Variants in EME2 observed in about 807,000 individuals in gnomAD.
The protein encoded by EME2 is essential meiotic structure-specific endonuclease subunit 2.
Under a neutral mutation model 41.9 loss-of-function variants are expected in EME2, and 58 were observed. The ratio of observed to expected loss-of-function variants is 1.38; its 90% confidence interval spans 1.12 to 1.72. The LOEUF (loss-of-function observed/expected upper bound fraction) is 1.72, where lower values mean the gene tolerates loss of function less well. Ranked by LOEUF, EME2 falls within the 40% of genes most tolerant of loss-of-function variation. The probability of loss-of-function intolerance (pLI) is 0.00; values close to 1 mark genes in which losing one functional copy is unlikely to be tolerated. For missense variants in EME2, 695 were observed against 541.9 expected (o/e 1.28, Z -2.81); for synonymous variants, 334 against 239.3 (o/e 1.40, Z -3.65).
At position 1,773,011 on chromosome 16, in the gene EME2, C is replaced by T. The variant is rs892494470; in HGVS notation, c.-217C>T. On this transcript the variant is annotated 5_prime_UTR_variant, in exon 1 of 8. Coordinates refer to ENST00000568449, the MANE Select transcript of EME2 (RefSeq NM_001257370.2). ...AACGGCCGCGTCAAGGTCTCGTAGT[C>T]CACCGCGTAGAGCTGGGAGTCGCGC... is the stretch of plus-strand genomic sequence containing the variant. 6.9e-7 allele frequency: 1 copy of T among 1,458,074 alleles called. No individual in the cohort carries two copies. The allele number at this position is 1,458,074 out of a possible 1,614,324, so 90.3% of individuals were successfully genotyped here. A position where few individuals can be genotyped will look rare whatever the true frequency, so the allele number is the denominator to read the frequency against.
In EME2 at chr16:1,778,019, G is replaced by A; in HGVS notation, c.*1781G>A. 1 of 1,613,234 alleles carries A rather than the reference G, an allele frequency of 6.2e-7. No individual in the cohort carries two copies. Among genetic ancestry groups the A allele is most frequent in the Non-Finnish European group, 8.5e-7 (1 of 1,179,992 alleles). Reference sequence around the variant, plus strand: ...AGAACGTGTGGCGGTATTTGTCCAGGTCCACATCCGACGTCCCGATGCCCA... The same window carrying A: ...AGAACGTGTGGCGGTATTTGTCCAGATCCACATCCGACGTCCCGATGCCCA... On this transcript the variant is annotated 3_prime_UTR_variant, in exon 8 of 8. Transcript: ENST00000568449.
In EME2 at chr16:1,776,070, G is replaced by A. The variant is rs139809312; in HGVS notation, c.972G>A (p.Ala324=). The A allele has an allele frequency of 1.1e-4, 176 of 1,608,200 alleles. No individual in the cohort carries two copies. In the African/African-American group the frequency reaches 1.3e-3, roughly 12 times the overall value. ...AFPSPRLLQQ[A]LEACSTERER... ...CTCATGCCTTTGCCTGCTCCTAGGC[G>A]CTGGAGGCCTGCAGCACGGAGCGGG... is the stretch of plus-strand genomic sequence containing the variant. Residue 324 remains alanine (A), a splice_region_variant and synonymous_variant, in exon 8 of 8, where the codon GCG becomes GCA. Coordinates refer to ENST00000568449, the MANE Select transcript of EME2 (RefSeq NM_001257370.2).
At chr16:1,775,266 G>A (rs758333388) in intron 4 of EME2, 49 bp from the exon 5 acceptor site, 1 of 1,603,410 alleles carries the variant, frequency 6.2e-7, no homozygotes, top group Non-Finnish European at 8.5e-7. Context: ...CCAAGCTCGG[G>A]CAGGGCAGGC....
At position 1,781,291 on chromosome 16, in the gene EME2, T is replaced by C. The variant is rs756269063; in HGVS notation, c.*5053T>C. On this transcript the variant is annotated 3_prime_UTR_variant, in exon 8 of 8. Coordinates refer to ENST00000568449, the MANE Select transcript of EME2 (RefSeq NM_001257370.2). ...ACTGATTCCGTGTTCAGGTAATGTC[T>C]GCCTGCCTGCCTAGGGCATCTCCAC... 1.2e-6 allele frequency: 2 copies of C among 1,612,152 alleles called. No homozygotes were observed. Among genetic ancestry groups the C allele is most frequent in the East Asian group, 2.2e-5 (1 of 44,890 alleles).
rs1043135331 is a variant in EME2, at chr16:1,776,373, G to A, written c.*135G>A. Reference sequence around the variant, plus strand: ...TCTGGCTGAGCAGGTCTGACCTCAGGGGAAGGGTGGGTGGTTGCAGGGGAA... The same window carrying A: ...TCTGGCTGAGCAGGTCTGACCTCAGAGGAAGGGTGGGTGGTTGCAGGGGAA... On this transcript the variant is annotated 3_prime_UTR_variant, in exon 8 of 8. Coordinates refer to ENST00000568449, the MANE Select transcript of EME2 (RefSeq NM_001257370.2). 2.6e-6 allele frequency: 2 copies of A among 777,604 alleles called. No homozygotes were observed. The highest frequency in any genetic ancestry group is 4.2e-6 in the Non-Finnish European group (2 of 480,204). The allele number at this position is 777,604 out of a possible 1,614,324, so 48.2% of individuals were successfully genotyped here.
rs556237883 is a variant in EME2, at chr16:1,773,223, C to T, written c.-5C>T. ...GCCGGAAGCGAGGAAGAGGTCGGTC[C>T]GGCCATGGCGCGGGTTGGACCCGGG... On this transcript the variant is annotated 5_prime_UTR_variant, in exon 1 of 8. Transcript: ENST00000568449. 2.1e-6 allele frequency: 3 copies of T among 1,443,264 alleles called. No individual in the cohort carries two copies. Among genetic ancestry groups the T allele is most frequent in the Non-Finnish European group, 2.7e-6 (3 of 1,107,610 alleles). 89.4% of individuals were successfully genotyped at this position (1,443,264 alleles called of 1,614,324 possible). A position where few individuals can be genotyped will look rare whatever the true frequency, so the allele number is the denominator to read the frequency against.
chr16:1,778,818 G>T lies in EME2; in HGVS notation c.*2580G>T. On this transcript the variant is annotated 3_prime_UTR_variant, in exon 8 of 8. Coordinates refer to ENST00000568449, the MANE Select transcript of EME2 (RefSeq NM_001257370.2). ...CTGCCCCATTCTGCATGACCAGGAG[G>T]GCCCTGGAGGCCCAGCCACAGAGCA... 2.0e-6 allele frequency: 1 copy of T among 500,788 alleles called. No individual in the cohort carries two copies. Among genetic ancestry groups the T allele is most frequent in the Non-Finnish European group, 3.4e-6 (1 of 292,574 alleles). 31.0% of individuals were successfully genotyped at this position (500,788 alleles called of 1,614,324 possible).
rs1046415277 is a variant in EME2 at position 1,780,775 on chromosome 16, C to G, written c.*4537C>G. ...TGAGTCAGGGTCTAGCTCTGTCACC[C>G]AGGCTGGAACGCACTGGTGTGATCA... On this transcript the variant is annotated 3_prime_UTR_variant, in exon 8 of 8. Coordinates refer to ENST00000568449, the MANE Select transcript of EME2 (RefSeq NM_001257370.2). 4 of 177,836 alleles carry G rather than the reference C, an allele frequency of 2.2e-5. No homozygotes were observed. The highest frequency in any genetic ancestry group is 9.6e-5 in the African/African-American group (4 of 41,840). The allele number at this position is 177,836 out of a possible 1,614,324, so 11.0% of individuals were successfully genotyped here.
rs539353563 is a variant in EME2, at chr16:1,774,938, CTT to C, written c.478-99_478-98del. ...GAGGCTCCTCTCGGCACCACTGGCT[CTT>C]TTTCAGGCTTGCTGTTCTGCAAACC... On this transcript the variant is annotated intron_variant, in intron 3 of 7. Transcript: ENST00000568449. 2.6e-3 allele frequency: 2,384 copies of C among 921,602 alleles called. 6 individuals are homozygous for C. Among genetic ancestry groups the C allele is most frequent in the Non-Finnish European group, 3.5e-3 (2,104 of 594,296 alleles). The allele number at this position is 921,602 out of a possible 1,614,324, so 57.1% of individuals were successfully genotyped here.
At chr16:1,774,378 T>A in intron 3 of EME2, 26 bp downstream of exon 3, 1 of 1,592,534 alleles carries the variant, frequency 6.3e-7, no homozygotes, top group Non-Finnish European at 8.6e-7. Flanking sequence ...CAGTAGTCCC[T>A]CTCTAATCAG....
rs1206193699 is a variant in EME2, at chr16:1,776,799, G to A, written c.*561G>A. 5 of 490,070 alleles carry A rather than the reference G, an allele frequency of 1.0e-5. No individual in the cohort carries two copies. Among genetic ancestry groups the A allele is most frequent in the African/African-American group, 1.9e-5 (1 of 51,450 alleles). The allele number at this position is 490,070 out of a possible 1,614,324, so 30.4% of individuals were successfully genotyped here. Reference sequence around the variant, plus strand: ...CGCTGACAGCATGCAGAGCAAGTTAGGAAAAACCGAGGCCCTGTGGGAACA... The same window carrying A: ...CGCTGACAGCATGCAGAGCAAGTTAAGAAAAACCGAGGCCCTGTGGGAACA... On this transcript the variant is annotated 3_prime_UTR_variant, in exon 8 of 8. Transcript: ENST00000568449.
rs2042726707 is a variant in EME2, at chr16:1,777,190, C to T, written c.*952C>T. The T allele has an allele frequency of 6.2e-7, 1 of 1,610,466 alleles. No individual in the cohort carries two copies. Among genetic ancestry groups the T allele is most frequent in the Non-Finnish European group, 8.5e-7 (1 of 1,179,804 alleles). On this transcript the variant is annotated 3_prime_UTR_variant, in exon 8 of 8. Transcript: ENST00000568449. ...CTGCCTGGGGATCGGACACTGGAGC[C>T]TTGCGGCGGCTGCAACTCATGCTCA...
At position 1,776,455 on chromosome 16, in the gene EME2, G is replaced by C. The variant is rs982559009; in HGVS notation, c.*217G>C. ...GGCTGGCAGATGGCTGGCGGTTCCT[G>C]TGCTGAGTCCTGAACACGTAGGCCC... On this transcript the variant is annotated 3_prime_UTR_variant, in exon 8 of 8. Coordinates refer to ENST00000568449, the MANE Select transcript of EME2 (RefSeq NM_001257370.2). 1.8e-6 allele frequency: 1 copy of C among 560,382 alleles called. No homozygotes were observed. Among genetic ancestry groups the C allele is most frequent in the Non-Finnish European group, 3.1e-6 (1 of 317,684 alleles). 34.7% of individuals were successfully genotyped at this position (560,382 alleles called of 1,614,324 possible).
rs372923228 is a variant in EME2 at position 1,781,333 on chromosome 16, G to C, written c.*5095G>C. The C allele has an allele frequency of 6.2e-7, 1 of 1,612,832 alleles. No homozygotes were observed. The highest frequency in any genetic ancestry group is 8.5e-7 in the Non-Finnish European group (1 of 1,179,978). On this transcript the variant is annotated 3_prime_UTR_variant, in exon 8 of 8. Transcript: ENST00000568449. ...CATCTCCACACCTTAGGCCAGCCAC[G>C]TCCGCCTCGCCCGCTGGAACCTACC...
chr16:1,773,449 G>C lies in EME2; in HGVS notation c.222G>C (p.Lys74Asn). Residue 74 changes from lysine (K) to asparagine (N), a missense_variant, in exon 1 of 8, where the codon AAG (lysine) becomes AAC (asparagine). Coordinates refer to ENST00000568449, the MANE Select transcript of EME2 (RefSeq NM_001257370.2). Reference protein sequence around the residue: ...LRLLRPEQVLKRLAVCVDTAI... With the variant: ...LRLLRPEQVLNRLAVCVDTAI... ...TGCTGCGGCCGGAGCAGGTCCTGAA[G>C]CGCCTCGCGGTGTGCGTGGACACAG... 6.4e-7 allele frequency: 1 copy of C among 1,574,614 alleles called. No homozygotes were observed. Among genetic ancestry groups the C allele is most frequent in the Non-Finnish European group, 8.5e-7 (1 of 1,169,702 alleles).
chr16:1,777,521 T>A lies in EME2; in HGVS notation c.*1283T>A, dbSNP rs13332165. On this transcript the variant is annotated 3_prime_UTR_variant, in exon 8 of 8. Transcript: ENST00000568449. ...GGGCGCAGCCCCTCAGACCTCACGC[T>A]ACAGTCACCCGGGTGGGCAGCTGGC... is the stretch of plus-strand genomic sequence containing the variant. 5.0e-6 allele frequency: 7 copies of A among 1,405,670 alleles called. No individual in the cohort carries two copies. The highest frequency in any genetic ancestry group is 5.0e-5 in the East Asian group (2 of 39,948). The allele number at this position is 1,405,670 out of a possible 1,614,324, so 87.1% of individuals were successfully genotyped here.
Position 1,777,243 on chromosome 16 carries a change from C to T in EME2, c.*1005C>T. On this transcript the variant is annotated 3_prime_UTR_variant, in exon 8 of 8. Transcript: ENST00000568449. ...ACCCAGCCCAGCTTGTTGTGTAGCA[C>T]CTGCTTGAGGCCCGGCGGCAGCGGC... 6.2e-7 allele frequency: 1 copy of T among 1,610,848 alleles called. No individual in the cohort carries two copies. The highest frequency in any genetic ancestry group is 8.5e-7 in the Non-Finnish European group (1 of 1,179,850).
At chr16:1,774,746 G>A (rs528469548) in intron 3 of EME2, among the ~76,000 whole-genome samples, 4 of 152,364 alleles carry the variant, frequency 2.6e-5, no homozygotes, top group East Asian at 1.9e-4. Flanking sequence ...TGTCTCTCAA[G>A]CTGCTGCTTT....
Position 1,780,169 on chromosome 16 carries a change from CGT to C in EME2, c.*3936_*3937del, listed in dbSNP as rs1468163430. On this transcript the variant is annotated 3_prime_UTR_variant, in exon 8 of 8. Transcript: ENST00000568449. ...ATGGTGACAGAGGACAAGCAGCATGCGTGTGTCAGACACTGGCCTGGCCTGTG... is the reference window on the plus strand; with the variant it reads ...ATGGTGACAGAGGACAAGCAGCATGCGTGTCAGACACTGGCCTGGCCTGTG... 1.3e-5 allele frequency: 2 copies of C among 152,314 alleles called. No individual in the cohort carries two copies. The highest frequency in any genetic ancestry group is 6.5e-5 in the Admixed American group (1 of 15,286). 9.4% of individuals were successfully genotyped at this position (152,314 alleles called of 1,614,324 possible).
Sources: gnomAD v4.1 joint callset for allele counts (sites outside exome capture counted in the v4.1 genomes callset) on GRCh38, gnomAD v4.1.1 for gene constraint, MANE v1.5 for transcripts, NCBI Gene and HGNC (gene_info 2026-07-23, HGNC 2026-07-21) for gene names.